Variants in DGKI observed in about 807,000 individuals in gnomAD.
The protein encoded by DGKI is diacylglycerol kinase iota, also known as DAG kinase iota.
DGKI carries 55 observed loss-of-function variants against 147.5 expected under a neutral mutation model. That is an observed-to-expected ratio of 0.37 (90% CI 0.30 to 0.47). DGKI has a LOEUF of 0.47. DGKI is among the 20% of genes least tolerant of loss of function. The pLI is 1.00. For synonymous variants in DGKI, 469 were observed against 477.1 expected (o/e 0.98, Z 0.22); for missense variants, 1,007 against 1,323.8 (o/e 0.76, Z 3.71).
chr7:137,451,278 C>T (rs774787790), intron 27 of DGKI, among the ~76,000 whole-genome samples: 20 of 152,118 alleles, frequency 1.3e-4, no homozygotes, highest in Non-Finnish European at 2.8e-4. Flanking sequence ...CTAAACACAG[C>T]TATAATATCT....
chr7:137,808,052 A>C (rs1170441380), intron 1 of DGKI, among the ~76,000 whole-genome samples: 3 of 152,216 alleles, frequency 2.0e-5, no homozygotes, highest in African/African-American at 7.2e-5. Context: ...AAGCCAATTA[A>C]GATCTCTGCT....
intron 6 of DGKI, 56 bp from the exon 7 acceptor site, chr7:137,623,610 A>G: frequency 6.7e-7 from 1 of 1,493,952 alleles, no homozygotes; most frequent in East Asian, 2.3e-5. Context: ...TACAGCGCAC[A>G]TTTGCCCTCC....
intron 1 of DGKI, among the ~76,000 whole-genome samples, chr7:137,809,904 A>G (rs561756728): frequency 1.6e-4 from 21 of 130,342 alleles, no homozygotes; most frequent in Admixed American, 1.0e-3. Context: ...ACCCAGTTGG[A>G]AAAAAAAAAA....
At chr7:137,766,611 G>A (rs1365146805) in intron 1 of DGKI, among the ~76,000 whole-genome samples, 2 of 152,162 alleles carry the variant, frequency 1.3e-5, no homozygotes, top group East Asian at 3.9e-4. Context: ...TTCCTCCAGG[G>A]CAAAGAGAAT....
At chr7:137,585,858 G>A (rs907446833) in intron 13 of DGKI, among the ~76,000 whole-genome samples, 3 of 152,166 alleles carry the variant, frequency 2.0e-5, no homozygotes, top group Admixed American at 6.5e-5. Flanking sequence ...GAATGGCCCT[G>A]TTAGGGAGCT....
At chr7:137,392,834 G>C (rs896402038) in intron 32 of DGKI, among the ~76,000 whole-genome samples, 3 of 135,114 alleles carry the variant, frequency 2.2e-5, no homozygotes, top group African/African-American at 5.6e-5. Context: ...AAATTCTCAG[G>C]ATGCTGCTTC....
intron 1 of DGKI, among the ~76,000 whole-genome samples, chr7:137,784,778 C>G (rs1796616440): frequency 6.6e-6 from 1 of 151,874 alleles, no homozygotes; most frequent in Non-Finnish European, 1.5e-5. Context: ...AAGTACCCTC[C>G]CAGACCACAG....
chr7:137,843,480 A>G (rs556246572), intron 1 of DGKI: 2 of 969,406 alleles, frequency 2.1e-6, no homozygotes, highest in South Asian at 9.5e-5. Context: ...AAAGGAAAAA[A>G]TTCTCATGGG....
chr7:137,805,066 C>T (rs1797324713), intron 1 of DGKI, among the ~76,000 whole-genome samples: 1 of 152,208 alleles, frequency 6.6e-6, no homozygotes, highest in Non-Finnish European at 1.5e-5. Context: ...GGTTGACACA[C>T]ATGGATGACT....
intron 1 of DGKI, among the ~76,000 whole-genome samples, chr7:137,780,549 C>T (rs1796488684): frequency 6.6e-6 from 1 of 152,110 alleles, no homozygotes; most frequent in Admixed American, 6.5e-5. Context: ...ATAAAGAAAG[C>T]GTGGTTTCAC....
chr7:137,621,858 C>A (rs1033310336), intron 7 of DGKI, among the ~76,000 whole-genome samples: 4 of 152,170 alleles, frequency 2.6e-5, no homozygotes, highest in East Asian at 1.9e-4. Flanking sequence ...GCAGATGCAG[C>A]CGATCTGAGC....
At chr7:137,697,132 T>C (rs1823818362) in intron 1 of DGKI, among the ~76,000 whole-genome samples, 1 of 152,194 alleles carries the variant, frequency 6.6e-6, no homozygotes, top group African/African-American at 2.4e-5. Context: ...ATTTTGGTTG[T>C]TTAAACCACT....
rs182586442 is a variant in DGKI at position 137,793,782 on chromosome 7, G to C, written c.401+52680C>G. ...AGATCCACATATCTGGAAGAGCCAA[G>C]AAGATTTTGAAGGACTTTATTTTCT... On this transcript the variant is annotated intron_variant, in intron 1 of 32. Transcript: ENST00000614521. Among the ~76,000 whole-genome samples, 956 of 152,256 alleles carry C rather than the reference G, an allele frequency of 6.3e-3. 8 individuals are homozygous for C. The highest frequency in any genetic ancestry group is 0.021 in the South Asian group (101 of 4,826).
intron 17 of DGKI, among the ~76,000 whole-genome samples, chr7:137,574,022 C>T (rs1585245192): frequency 6.6e-6 from 1 of 152,322 alleles, no homozygotes; most frequent in East Asian, 1.9e-4. Context: ...CCATTACCTT[C>T]TCATTTGGAG....
intron 1 of DGKI, among the ~76,000 whole-genome samples, chr7:137,826,096 AT>A (rs889879441): frequency 6.6e-6 from 1 of 152,206 alleles, no homozygotes; most frequent in African/African-American, 2.4e-5. Context: ...CAGGCAGGTC[AT>A]GTGGGCCTGT....
chr7:137,701,199 G>C (rs748240826), intron 1 of DGKI, among the ~76,000 whole-genome samples: 6 of 151,950 alleles, frequency 3.9e-5, no homozygotes, highest in Non-Finnish European at 7.4e-5. Context: ...TCCTCAGTCT[G>C]ATAAAGAATA....
At chr7:137,446,677 G>C (rs907237931) in intron 27 of DGKI, among the ~76,000 whole-genome samples, 1 of 152,064 alleles carries the variant, frequency 6.6e-6, no homozygotes, top group Non-Finnish European at 1.5e-5. Flanking sequence ...AGTGAGCCGA[G>C]ACCGCGCCAT....
chr7:137,517,252 AAAAG>A (rs1162313556), intron 21 of DGKI, among the ~76,000 whole-genome samples: 63 of 129,080 alleles, frequency 4.9e-4, no homozygotes, highest in Non-Finnish European at 7.1e-4. Context: ...AAAGAAAAGA[AAAAG>A]AAAGAAAGAA....
chr7:137,424,859 C>A (rs528396609), intron 28 of DGKI, among the ~76,000 whole-genome samples: 149 of 152,368 alleles, frequency 9.8e-4, no homozygotes, highest in East Asian at 7.9e-3. Flanking sequence ...ATTGCCCAGG[C>A]TTGCTTAGGT....
Sources: gnomAD v4.1 joint callset for allele counts (sites outside exome capture counted in the v4.1 genomes callset) on GRCh38, gnomAD v4.1.1 for gene constraint, MANE v1.5 for transcripts, NCBI Gene and HGNC (gene_info 2026-07-23, HGNC 2026-07-21) for gene names.